PCDHGA4: variants seen among roughly 807,000 people sequenced by gnomAD.
PCDHGA4 encodes protocadherin gamma subfamily A, 4, also known as protocadherin gamma-A4.
Under a neutral mutation model 54.6 loss-of-function variants are expected in PCDHGA4, and 38 were observed. The ratio of observed to expected loss-of-function variants is 0.70; its 90% CI spans 0.54 to 0.91. The LOEUF is 0.91. Ranked by LOEUF, PCDHGA4 falls within the 40% of genes least tolerant of loss-of-function variation. The pLI is 0.00. For synonymous variants in PCDHGA4, 511 were observed against 512.9 expected (o/e 1.00, Z 0.05); for missense variants, 1,298 against 1,220.9 (o/e 1.06, Z -0.94).
chr5:141,418,637 T>A, intron 1 of PCDHGA4: 1 of 1,613,998 alleles, frequency 6.2e-7, no homozygotes. Context: ...TCCAGGCACC[T>A]CCATCCTGAG....
In PCDHGA4 at chr5:141,405,117, C is replaced by T. The variant is rs200108286; in HGVS notation, c.2514+47496C>T. On this transcript the variant is annotated intron_variant, in intron 1 of 3. Transcript: ENST00000571252. The stretch of plus-strand genomic sequence containing the variant: ...CTCAGGCTGAGGCACTGGCACTCCT[C>T]GCATCTGCTGCGGGCTACCAGTGAT... The T allele has an allele frequency of 5.6e-5, 90 of 1,613,980 alleles. No individual in the cohort carries two copies. In the East Asian group the frequency reaches 9.6e-4, roughly 17 times the overall value.
At chr5:141,494,654 G>A in intron 1 of PCDHGA4, 153 bp from the exon 2 acceptor site, 1 of 966,640 alleles carries the variant, frequency 1.0e-6, no homozygotes, top group South Asian at 4.8e-5. Context: ...GGTGTATTTT[G>A]TCTTTGGAGA....
chr5:141,473,763 GGATTTGGT>G (rs1358359618), intron 1 of PCDHGA4, among the ~76,000 whole-genome samples: 73 of 152,322 alleles, frequency 4.8e-4, no homozygotes, highest in African/African-American at 1.7e-3. Context: ...ACTATGCAAA[GGATTTGGT>G]ATTTTAATTC....
intron 3 of PCDHGA4, chr5:141,508,179 AG>A (rs1250335236): frequency 1.3e-5 from 2 of 152,326 alleles, no homozygotes; most frequent in Non-Finnish European, 2.9e-5. Flanking sequence ...ACAGGAGAGA[AG>A]GCATCACCCC....
chr5:141,418,477 C>G (rs2154547707), intron 1 of PCDHGA4: 1 of 1,614,016 alleles, frequency 6.2e-7, no homozygotes, highest in Non-Finnish European at 8.5e-7. Context: ...AAACGCAGAG[C>G]GCTCACCACT....
Position 141,432,377 on chromosome 5 carries a change from C to T in PCDHGA4, c.2515-62430C>T. 3.7e-6 allele frequency: 6 copies of T among 1,614,240 alleles called. No homozygotes were observed. Among genetic ancestry groups the T allele is most frequent in the Non-Finnish European group, 5.1e-6 (6 of 1,180,046 alleles). On this transcript the variant is annotated intron_variant, in intron 1 of 3. Transcript: ENST00000571252. This position sits in a 1 kb window ranked among gnomAD's most constrained non-coding sequence, Gnocchi z 6.0. ...AGTGATGGCGCGGGACAACGGGCAC[C>T]CGCCCCTCAGCAGCAACGTGTCGTT...
chr5:141,478,337 T>C (rs766980546), intron 1 of PCDHGA4: 1 of 1,613,942 alleles, frequency 6.2e-7, no homozygotes, highest in Non-Finnish European at 8.5e-7. Context: ...ACCAGGGCCC[T>C]CCTTGCACGC....
intron 1 of PCDHGA4, among the ~76,000 whole-genome samples, chr5:141,397,708 T>A (rs1409305799): frequency 6.6e-6 from 1 of 152,250 alleles, no homozygotes; most frequent in East Asian, 1.9e-4. Context: ...ACGTGATATT[T>A]CTAACAATTT....
At chr5:141,428,100 G>C (rs1313410784) in intron 1 of PCDHGA4, 11 of 1,608,462 alleles carry the variant, frequency 6.8e-6, no homozygotes, top group Non-Finnish European at 9.3e-6. Context: ...GTCCTACCAC[G>C]TGCTGCAGGC....
chr5:141,427,547 T>C (rs747558888), intron 1 of PCDHGA4: 1 of 640,310 alleles, frequency 1.6e-6, no homozygotes, highest in South Asian at 1.5e-5. Flanking sequence ...TCACCATCAC[T>C]GCCACTGACA....
intron 1 of PCDHGA4, chr5:141,372,298 G>T (rs1768627083): frequency 6.2e-7 from 1 of 1,613,330 alleles, no homozygotes; most frequent in Non-Finnish European, 8.5e-7. Flanking sequence ...TTGGGCGACA[G>T]GGAGGCCGCC....
At chr5:141,393,377 AGC>A (rs1313389663) in intron 1 of PCDHGA4, 1 of 1,613,966 alleles carries the variant, frequency 6.2e-7, no homozygotes, top group Admixed American at 1.7e-5. Context: ...GAGACAATGG[AGC>A]CATAAACCCA....
intron 1 of PCDHGA4, among the ~76,000 whole-genome samples, chr5:141,436,531 G>T (rs1365651055): frequency 6.6e-6 from 1 of 152,152 alleles, no homozygotes; most frequent in African/African-American, 2.4e-5. Context: ...CCTTTAGCAA[G>T]TTATTTAATC....
intron 1 of PCDHGA4, among the ~76,000 whole-genome samples, chr5:141,364,014 A>G (rs145320199): frequency 4.6e-5 from 7 of 152,362 alleles, no homozygotes; most frequent in Non-Finnish European, 7.3e-5. Context: ...ACAACGCTAC[A>G]CAGTTAAACA....
intron 1 of PCDHGA4, among the ~76,000 whole-genome samples, chr5:141,463,573 C>T (rs1331124291): frequency 6.6e-6 from 1 of 151,436 alleles, no homozygotes; most frequent in East Asian, 1.9e-4. Flanking sequence ...CTCAGCCTCC[C>T]GAGTAGCTGG....
At chr5:141,403,131 C>A (rs1377543238) in intron 1 of PCDHGA4, 2 of 1,613,916 alleles carry the variant, frequency 1.2e-6, no homozygotes, top group East Asian at 4.5e-5. Context: ...CGGGAGCTGG[C>A]GGAGCGCCGA....
At chr5:141,378,315 G>A (rs933879461) in intron 1 of PCDHGA4, 5 of 152,248 alleles carry the variant, frequency 3.3e-5, no homozygotes, top group African/African-American at 1.2e-4. Context: ...ACGAAGTCAG[G>A]AGTTCGAGAC....
chr5:141,497,005 A>T (rs1249733879), intron 2 of PCDHGA4, among the ~76,000 whole-genome samples: 1 of 152,134 alleles, frequency 6.6e-6, no homozygotes, highest in Non-Finnish European at 1.5e-5. Context: ...GGCAGCCAAC[A>T]TGGTGAAACC....
chr5:141,477,644 T>A lies in PCDHGA4; in HGVS notation c.2515-17163T>A. On this transcript the variant is annotated intron_variant, in intron 1 of 3. Coordinates refer to ENST00000571252, the MANE Select transcript of PCDHGA4 (RefSeq NM_018917.4). The surrounding 1 kb of genome is among the most constrained non-coding windows in gnomAD (Gnocchi z 4.9). ...TGAAACCGGGCTAGTGGGTCGCTAT[T>A]TCACAATAAATCGTGACAATGGCAT... The A allele has an allele frequency of 6.2e-7, 1 of 1,614,200 alleles. No homozygotes were observed. Among genetic ancestry groups the A allele is most frequent in the Non-Finnish European group, 8.5e-7 (1 of 1,180,036 alleles).
Sources: allele counts gnomAD v4.1 joint callset (sites outside exome capture counted in the v4.1 genomes callset), GRCh38; gene constraint gnomAD v4.1.1; non-coding constraint Gnocchi (gnomAD v3.1); transcripts MANE v1.5; gene names NCBI Gene and HGNC (gene_info 2026-07-23, HGNC 2026-07-21).